Variants in PPP1R15A observed in about 807,000 individuals in gnomAD.
The protein encoded by PPP1R15A is growth arrest and DNA damage-inducible protein GADD34.
A neutral mutation model predicts 48.5 loss-of-function variants in PPP1R15A; 43 were observed. That is an observed-to-expected ratio of 0.89 (90% CI 0.69 to 1.14). The LOEUF (loss-of-function observed/expected upper bound fraction) is 1.14, where lower values mean the gene tolerates loss of function less well. Among genes scored for constraint, PPP1R15A ranks in the 50% most tolerant of loss-of-function variants. The probability of loss-of-function intolerance (pLI) is 0.00; values close to 1 mark genes in which losing one functional copy is unlikely to be tolerated. For missense variants in PPP1R15A, 868 were observed against 847.2 expected (o/e 1.02, Z -0.30); for synonymous variants, 327 against 327.4 (o/e 1.00, Z 0.01).
rs35087747 is a variant in PPP1R15A at position 48,874,661 on chromosome 19, G to T, written c.1428G>T (p.Arg476Ser). The T allele has an allele frequency of 0.16, 252,533 of 1,613,878 alleles. 21,346 individuals are homozygous for T. Among genetic ancestry groups the T allele is most frequent in the Non-Finnish European group, 0.17 (204,137 of 1,179,928 alleles). Residue 476 changes from arginine to serine, a missense_variant, in exon 2 of 3, where the codon AGG becomes AGT. By Grantham distance (110) the Arg-to-Ser change is moderately radical. Transcript: ENST00000200453. The part of the protein sequence containing the change: ...SDPHPSHPDQ[R>S]AHFRGWGYRP... ...CACATCCCTCCCACCCGGACCAGAGGGCCCACTTCAGGGGCTGGGGATATC... is the reference window on the plus strand; with the variant it reads ...CACATCCCTCCCACCCGGACCAGAGTGCCCACTTCAGGGGCTGGGGATATC...
Position 48,873,850 on chromosome 19 carries a change from C to A in PPP1R15A, c.617C>A (p.Thr206Asn), listed in dbSNP as rs963233259. 8 of 1,613,998 alleles carry A rather than the reference C, an allele frequency of 5.0e-6. No individual in the cohort carries two copies. Among genetic ancestry groups the A allele is most frequent in the Non-Finnish European group, 6.8e-6 (8 of 1,180,004 alleles). ...GCTGTAAAGAAAGAAGCTCACAGAACCTCTACTTCTGCCTTGTCTCCAGGA... is the reference window on the plus strand; with the variant it reads ...GCTGTAAAGAAAGAAGCTCACAGAAACTCTACTTCTGCCTTGTCTCCAGGA... Reference protein sequence around the residue: ...EEAVKKEAHRTSTSALSPGSK... With the variant: ...EEAVKKEAHRNSTSALSPGSK... The change falls in exon 2 of 3, where the codon ACC becomes AAC. Residue 206 changes from threonine (T) to asparagine (N), a missense_variant. Coordinates refer to ENST00000200453, the MANE Select transcript of PPP1R15A (RefSeq NM_014330.5).
rs145400447 is a variant in PPP1R15A at position 48,875,481 on chromosome 19, A to G, written c.1666-133A>G. ...ATCCCGTGACAGTGACAGGCAAGTGACTAGCCAGATAGAAAGCATTTTTGT... is the reference window on the plus strand; with the variant it reads ...ATCCCGTGACAGTGACAGGCAAGTGGCTAGCCAGATAGAAAGCATTTTTGT... On this transcript the variant is annotated intron_variant, in intron 2 of 2. Coordinates refer to ENST00000200453, the MANE Select transcript of PPP1R15A (RefSeq NM_014330.5). The G allele has an allele frequency of 3.1e-3, 3,686 of 1,201,780 alleles. 77 individuals are homozygous for G. In the South Asian group the frequency reaches 0.04, roughly 13 times the overall value. 74.4% of individuals were successfully genotyped at this position (1,201,780 alleles called of 1,614,324 possible). A position where few individuals can be genotyped will look rare whatever the true frequency, so the allele number is the denominator to read the frequency against.
At position 48,873,427 on chromosome 19, in the gene PPP1R15A, G is replaced by T. The variant is rs2037034197; in HGVS notation, c.194G>T (p.Arg65Met). Residue 65 changes from arginine (R) to methionine (M), a missense_variant, in exon 2 of 3, where the codon AGG (arginine) becomes ATG (methionine). Physicochemically the swap from Arg to Met is moderately conservative, Grantham distance 91 (BLOSUM62 -1). Coordinates refer to ENST00000200453, the MANE Select transcript of PPP1R15A (RefSeq NM_014330.5). The stretch of plus-strand genomic sequence containing the variant: ...GAAGCTGGCCTGGAGGGAGAAGCTA[G>T]GACTCCTCTGGCAATCCCCCATACC... ...LVEAGLEGEA[R>M]TPLAIPHTPW... 7 of 1,612,782 alleles carry T rather than the reference G, an allele frequency of 4.3e-6. No homozygotes were observed. Among genetic ancestry groups the T allele is most frequent in the Non-Finnish European group, 5.9e-6 (7 of 1,179,504 alleles).
intron 2 of PPP1R15A, 26 bp from the exon 3 acceptor site, chr19:48,875,588 G>A: frequency 6.4e-7 from 1 of 1,561,832 alleles, no homozygotes; most frequent in Admixed American, 1.8e-5. Flanking sequence ...TGCATCTCCT[G>A]CCTGTGTCCC....
rs768255399 is a variant in PPP1R15A at position 48,874,370 on chromosome 19, T to C, written c.1137T>C (p.Thr379=). 6.2e-7 allele frequency: 1 copy of C among 1,613,632 alleles called. No homozygotes were observed. The highest frequency in any genetic ancestry group is 8.5e-7 in the Non-Finnish European group (1 of 1,179,868). ...GAGAAGCTGAGGCTTCCTCTTCCAC[T>C]CCTGCTACAGGTGTCTTCTTGAAGT... The part of the protein sequence containing the change: ...EEGEAEASSS[T]PATGVFLKSW... Residue 379 remains threonine, a synonymous_variant, in exon 2 of 3, where the codon ACT becomes ACC. Transcript: ENST00000200453.
chr19:48,874,109 C>T lies in PPP1R15A; in HGVS notation c.876C>T (p.Ala292=). The T allele has an allele frequency of 6.2e-7, 1 of 1,614,152 alleles. No individual in the cohort carries two copies. The highest frequency in any genetic ancestry group is 1.3e-5 in the African/African-American group (1 of 75,034). The change falls in exon 2 of 3, where the codon GCC becomes GCT. Residue 292 remains alanine (A), a synonymous_variant. Transcript: ENST00000200453. ...CTGCCCCAGGGCCGCAATCCTCAGC[C>T]CCAGCCCAGAGGCCCCAGCTCAAGT... ...GEAAPGPQSS[A]PAQRPQLKSW... is the part of the protein sequence containing the mutation.
rs949008665 is a variant in PPP1R15A, at chr19:48,872,552, A to C, written c.-109A>C. 6.6e-6 allele frequency: 3 copies of C among 454,716 alleles called. No homozygotes were observed. The highest frequency in any genetic ancestry group is 8.9e-6 in the Non-Finnish European group (2 of 225,464). The allele number at this position is 454,716 out of a possible 1,614,324, so 28.2% of individuals were successfully genotyped here. A position where few individuals can be genotyped will look rare whatever the true frequency, so the allele number is the denominator to read the frequency against. ...ACTCGGAGCCCGACGCCTGAGGGTG[A>C]GATGAACGCGCTGGCCTCCCTAACC... On this transcript the variant is annotated 5_prime_UTR_variant, in exon 1 of 3. Transcript: ENST00000200453.
Position 48,874,826 on chromosome 19 carries a change from G to A in PPP1R15A, c.1593G>A (p.Leu531=), listed in dbSNP as rs138580661. The A allele has an allele frequency of 3.1e-6, 5 of 1,612,638 alleles. No individual in the cohort carries two copies. The African/African-American group carries it at 4.0e-5, about 13-fold the overall frequency. The change falls in exon 2 of 3, where the codon CTG becomes CTA. Residue 531 remains leucine, a synonymous_variant. Transcript: ENST00000200453. The part of the protein sequence containing the change: ...PWAPPRLPLR[L]QRRLKRPETP... ...CTCCTCCTAGGCTGCCCCTCCGACT[G>A]CAAAGGCGGCTCAAGCGCCCAGAAA...
chr19:48,873,080 G>C, intron 1 of PPP1R15A, 145 bp from the exon 2 acceptor site: 2 of 1,321,350 alleles, frequency 1.5e-6, no homozygotes, highest in South Asian at 4.2e-5. Flanking sequence ...GATGGGCGTG[G>C]CCGAGATCAG....
At chr19:48,874,923 A>ACTT (rs753873584) in intron 2 of PPP1R15A, 25 bp downstream of exon 2, 1 of 1,020,792 alleles carries the variant, frequency 9.8e-7, no homozygotes, top group Non-Finnish European at 1.3e-6. Context: ...CCCAGATTCT[A>ACTT]TTTTTTTTTT....
intron 1 of PPP1R15A, 89 bp from the exon 2 acceptor site, chr19:48,873,136 A>C: frequency 7.1e-7 from 1 of 1,403,772 alleles, no homozygotes; most frequent in South Asian, 1.8e-5. Context: ...TAGTTGTGTT[A>C]CTATTTCCGT....
chr19:48,874,040 G>C lies in PPP1R15A; in HGVS notation c.807G>C (p.Glu269Asp), dbSNP rs752039069. The C allele has an allele frequency of 3.1e-6, 5 of 1,614,088 alleles. No homozygotes were observed. Among genetic ancestry groups the C allele is most frequent in the Non-Finnish European group, 4.2e-6 (5 of 1,180,036 alleles). The change falls in exon 2 of 3, where the codon GAG becomes GAC. Residue 269 changes from glutamate to aspartate, a missense_variant. Glu to Asp is a conservative substitution (Grantham distance 45). Coordinates refer to ENST00000200453, the MANE Select transcript of PPP1R15A (RefSeq NM_014330.5). The stretch of plus-strand genomic sequence containing the variant: ...AGTATCGTTCAGGAGAGGCGTCCGA[G>C]GAGAAGGAGGAAAAGGCACACAAAG... ...SWEYRSGEAS[E>D]EKEEKAHKET...
chr19:48,874,163 G>A lies in PPP1R15A; in HGVS notation c.930G>A (p.Glu310=). ...KSWWCQPSDE[E]EGEVKALGAA... Reference sequence around the variant, plus strand: ...GGTGGTGCCAACCCAGTGATGAAGAGGAGGGTGAGGTCAAGGCTTTGGGGG... The same window carrying A: ...GGTGGTGCCAACCCAGTGATGAAGAAGAGGGTGAGGTCAAGGCTTTGGGGG... Residue 310 remains glutamate, a synonymous_variant, in exon 2 of 3, where the codon GAG becomes GAA. Coordinates refer to ENST00000200453, the MANE Select transcript of PPP1R15A (RefSeq NM_014330.5). The A allele has an allele frequency of 6.2e-7, 1 of 1,614,152 alleles. No homozygotes were observed. Among genetic ancestry groups the A allele is most frequent in the East Asian group, 2.2e-5 (1 of 44,886 alleles).
Position 48,873,336 on chromosome 19 carries a change from C to T in PPP1R15A, c.103C>T (p.Arg35Cys), listed in dbSNP as rs892966382. 28 of 1,612,318 alleles carry T rather than the reference C, an allele frequency of 1.7e-5. No homozygotes were observed. Among genetic ancestry groups the T allele is most frequent in the East Asian group, 2.2e-5 (1 of 44,890 alleles). The part of the protein sequence containing the change: ...VMGLLSRAWS[R>C]LRGLGPLEPW... ...GGGCCTCCTCAGCCGCGCCTGGAGC[C>T]GCCTGAGGGGCCTGGGACCTCTAGA... The change falls in exon 2 of 3, where the codon CGC (arginine) becomes TGC (cysteine). Residue 35 changes from arginine to cysteine, a missense_variant. By Grantham distance (180) the Arg-to-Cys change is radical. Transcript: ENST00000200453.
chr19:48,875,448 GATA>G, intron 2 of PPP1R15A, 163 bp from the exon 3 acceptor site: 1 of 952,474 alleles, frequency 1.0e-6, no homozygotes, highest in South Asian at 1.7e-5. Flanking sequence ...GAGTCAGATA[GATA>G]GAGAATCCCG....
chr19:48,873,710 G>A lies in PPP1R15A; in HGVS notation c.477G>A (p.Gly159=). The A allele has an allele frequency of 1.2e-6, 2 of 1,614,124 alleles. No homozygotes were observed. ...TGCAAGGTTCTGATAAGAACCCAGGGGAGGAGAAAGCCGAGGAAGAGGGAG... is the reference window on the plus strand; with the variant it reads ...TGCAAGGTTCTGATAAGAACCCAGGAGAGGAGAAAGCCGAGGAAGAGGGAG... ...RTLQGSDKNP[G]EEKAEEEGVA... The change falls in exon 2 of 3, where the codon GGG becomes GGA. Residue 159 remains glycine, a synonymous_variant. Coordinates refer to ENST00000200453, the MANE Select transcript of PPP1R15A (RefSeq NM_014330.5).
Position 48,873,574 on chromosome 19 carries a change from A to G in PPP1R15A, c.341A>G (p.Asp114Gly). 6.2e-7 allele frequency: 1 copy of G among 1,614,176 alleles called. No homozygotes were observed. Among genetic ancestry groups the G allele is most frequent in the South Asian group, 1.1e-5 (1 of 91,082 alleles). The change falls in exon 2 of 3, where the codon GAT (aspartate) becomes GGT (glycine). Residue 114 changes from aspartate (D) to glycine (G), a missense_variant. Transcript: ENST00000200453. ...GAAGCCTGGGGACTTTTGGATGATG[A>G]TGATGGCATGTATGGTGAGCGAGAG... ...LPEAWGLLDD[D>G]DGMYGEREAT...
Position 48,873,455 on chromosome 19 carries a change from T to C in PPP1R15A, c.222T>C (p.Pro74=), listed in dbSNP as rs752609497. The part of the protein sequence containing the change: ...ARTPLAIPHT[P]WGRRPEEEAE... ...CTCCTCTGGCAATCCCCCATACCCC[T>C]TGGGGCAGACGCCCTGAAGAGGAGG... The change falls in exon 2 of 3, where the codon CCT becomes CCC. Residue 74 remains proline (P), a synonymous_variant. Transcript: ENST00000200453. The C allele has an allele frequency of 3.1e-6, 5 of 1,613,648 alleles. No homozygotes were observed. In the African/African-American group the frequency reaches 6.7e-5, roughly 22 times the overall value.
rs1169384137 is a variant in PPP1R15A at position 48,873,466 on chromosome 19, G to A, written c.233G>A (p.Arg78His). 1 of 1,613,858 alleles carries A rather than the reference G, an allele frequency of 6.2e-7. No homozygotes were observed. Among genetic ancestry groups the A allele is most frequent in the Non-Finnish European group, 8.5e-7 (1 of 1,179,860 alleles). Residue 78 changes from arginine to histidine, a missense_variant, in exon 2 of 3, where the codon CGC (arginine) becomes CAC (histidine). Arg to His is a conservative substitution (Grantham distance 29). Coordinates refer to ENST00000200453, the MANE Select transcript of PPP1R15A (RefSeq NM_014330.5). ...ATCCCCCATACCCCTTGGGGCAGAC[G>A]CCCTGAAGAGGAGGCTGAAGACAGT... ...LAIPHTPWGR[R>H]PEEEAEDSGG...
Sources: allele counts gnomAD v4.1 joint callset, GRCh38; gene constraint gnomAD v4.1.1; transcripts MANE v1.5; gene names NCBI Gene and HGNC (gene_info 2026-07-23, HGNC 2026-07-21).